RPH3A: variants seen among roughly 807,000 people sequenced by gnomAD.
RPH3A encodes rabphilin 3A, also known as rabphilin-3A.
A neutral mutation model predicts 102.2 loss-of-function variants in RPH3A; 48 were observed. The observed-to-expected ratio is 0.47, with a 90% CI of 0.37 to 0.60. The LOEUF (loss-of-function observed/expected upper bound fraction) is 0.60. RPH3A is among the 20% of genes least tolerant of loss of function. RPH3A has a pLI of 0.00. For missense variants in RPH3A, 781 were observed against 910.1 expected, an observed-to-expected ratio of 0.86 and a Z score of 1.83; for synonymous variants, 310 against 324.3, an observed-to-expected ratio of 0.96 and a Z score of 0.47.
At chr12:112,692,281 T>C (rs1345795687) in intron 1 of RPH3A, among the ~76,000 whole-genome samples, 1 of 152,212 alleles carries the variant, frequency 6.6e-6, no homozygotes, top group Non-Finnish European at 1.5e-5. Flanking sequence ...TGACTATAGT[T>C]AATAATGATA....
rs11375355 is a variant in RPH3A, at chr12:112,774,063, C to CAAAAAAAAAAAAAAAAAAAAAAAAA, written c.-139-18066_-139-18065insAAAAAAAAAAAAAAAAAAAAAAAAA. 1.0e-3 allele frequency among the ~76,000 whole-genome samples: 109 copies of CAAAAAAAAAAAAAAAAAAAAAAAAA among 108,352 alleles called. 5 individuals are homozygous for CAAAAAAAAAAAAAAAAAAAAAAAAA. The highest frequency in any genetic ancestry group is 1.9e-3 in the South Asian group (6 of 3,240). The allele number at this position is 108,352 out of a possible 152,430, so 71.1% of individuals were successfully genotyped here. A position where few individuals can be genotyped will look rare whatever the true frequency, so the allele number is the denominator to read the frequency against. On this transcript the variant is annotated intron_variant, in intron 1 of 21. Transcript: ENST00000543106. ...TCACGCCACTGCACTCCAGCCTGGG[C>CAAAAAAAAAAAAAAAAAAAAAAAAA]AAAAAAAAAAAAAAGAAAAAGAGAA... is the stretch of plus-strand genomic sequence containing the variant.
intron 2 of RPH3A, among the ~76,000 whole-genome samples, chr12:112,793,104 C>A (rs964569910): frequency 6.6e-6 from 1 of 152,140 alleles, no homozygotes; most frequent in Non-Finnish European, 1.5e-5. Flanking sequence ...AGACCGTCCC[C>A]CTGCACTAGT....
rs757706893 is a variant in RPH3A at position 112,876,736 on chromosome 12, C to T, written c.1041C>T (p.Asp347=). The T allele has an allele frequency of 6.2e-7, 1 of 1,613,390 alleles. No individual in the cohort carries two copies. Among genetic ancestry groups the T allele is most frequent in the South Asian group, 1.1e-5 (1 of 90,898 alleles). ...GGYPAVGARE[D]RMSHPSGPYS... The stretch of plus-strand genomic sequence containing the variant: ...ACCCAGCAGTTGGAGCCAGAGAGGA[C>T]CGAATGAGCCACCCCTCCGGACCCT... Residue 347 remains aspartate, a synonymous_variant, in exon 13 of 22, where the codon GAC becomes GAT. Transcript: ENST00000389385.
chr12:112,620,965 G>C (rs2039717482), intron 1 of RPH3A, among the ~76,000 whole-genome samples: 1 of 151,390 alleles, frequency 6.6e-6, no homozygotes, highest in Admixed American at 6.6e-5. Context: ...TCCTCAGCCT[G>C]TTCTGTTTTA....
intron 14 of RPH3A, among the ~76,000 whole-genome samples, chr12:112,879,454 GTT>G (rs2042867763): frequency 6.6e-6 from 1 of 152,220 alleles, no homozygotes. Context: ...CAAGAGCAGA[GTT>G]GGCCCCTATC....
intron 1 of RPH3A, among the ~76,000 whole-genome samples, chr12:112,768,884 C>G (rs2040909786): frequency 6.6e-6 from 1 of 152,126 alleles, no homozygotes; most frequent in Admixed American, 6.5e-5. Flanking sequence ...TGCACTCCAG[C>G]CTGGGTAACA....
chr12:112,743,193 C>T (rs1657090491), intron 1 of RPH3A, among the ~76,000 whole-genome samples: 1 of 152,190 alleles, frequency 6.6e-6, no homozygotes, highest in Admixed American at 6.5e-5. Flanking sequence ...GTAACATAGT[C>T]ACAGGTTCTG....
intron 1 of RPH3A, among the ~76,000 whole-genome samples, chr12:112,642,689 T>G (rs918514938): frequency 6.6e-6 from 1 of 152,146 alleles, no homozygotes; most frequent in Non-Finnish European, 1.5e-5. Flanking sequence ...CCACAATTTG[T>G]CTGTAAATGT....
intron 1 of RPH3A, among the ~76,000 whole-genome samples, chr12:112,762,787 A>G (rs894489243): frequency 6.6e-6 from 1 of 152,210 alleles, no homozygotes; most frequent in East Asian, 1.9e-4. Context: ...TTGTAGCAAC[A>G]CCAGGAGAAA....
chr12:112,652,247 G>A (rs1027973159), intron 1 of RPH3A, among the ~76,000 whole-genome samples: 2 of 152,088 alleles, frequency 1.3e-5, no homozygotes, highest in African/African-American at 2.4e-5. Context: ...AGGCTGAGGT[G>A]GGAGGATCAC....
At chr12:112,825,149 A>G (rs1481197143) in intron 2 of RPH3A, among the ~76,000 whole-genome samples, 1 of 151,818 alleles carries the variant, frequency 6.6e-6, no homozygotes, top group Non-Finnish European at 1.5e-5. Context: ...CAATAATGAG[A>G]CATTAAAGTT....
intron 1 of RPH3A, among the ~76,000 whole-genome samples, chr12:112,774,566 G>T (rs2107109): frequency 1.3e-5 from 2 of 151,910 alleles, no homozygotes; most frequent in South Asian, 2.1e-4. Context: ...GAAAGGTTTG[G>T]GTTGGTGAGA....
At chr12:112,634,211 A>T (rs61942286) in intron 1 of RPH3A, among the ~76,000 whole-genome samples, 1 of 89,670 alleles carries the variant, frequency 1.1e-5, no homozygotes, top group Non-Finnish European at 2.2e-5. Flanking sequence ...AGCCGGGCGT[A>T]GTGGCGGGCG....
intron 1 of RPH3A, among the ~76,000 whole-genome samples, chr12:112,767,788 G>C (rs1446427206): frequency 3.3e-5 from 5 of 152,130 alleles, no homozygotes; most frequent in Non-Finnish European, 7.3e-5. Flanking sequence ...GCCATCAAAA[G>C]AACTGAAGCA....
At chr12:112,885,186 T>C (rs1210584063) in intron 16 of RPH3A, among the ~76,000 whole-genome samples, 1 of 152,262 alleles carries the variant, frequency 6.6e-6, no homozygotes, top group Non-Finnish European at 1.5e-5. Context: ...AGTAGCTGTT[T>C]CTAGGTGCAC....
At chr12:112,652,190 T>A (rs1482967191) in intron 1 of RPH3A, among the ~76,000 whole-genome samples, 3 of 152,052 alleles carry the variant, frequency 2.0e-5, no homozygotes, top group Non-Finnish European at 2.9e-5. Flanking sequence ...TAAAAAAATC[T>A]AGAGCCAGGG....
At chr12:112,896,334 T>C (rs571489657) in intron 21 of RPH3A, among the ~76,000 whole-genome samples, 1 of 152,096 alleles carries the variant, frequency 6.6e-6, no homozygotes, top group Non-Finnish European at 1.5e-5. Context: ...TTTTTGGAAA[T>C]AGACAATGAG....
intron 1 of RPH3A, among the ~76,000 whole-genome samples, chr12:112,652,899 A>G (rs1365443124): frequency 6.6e-6 from 1 of 152,134 alleles, no homozygotes; most frequent in Non-Finnish European, 1.5e-5. Context: ...TTTGACTGTC[A>G]TAGAGTATAC....
chr12:112,774,585 C>A (rs1008033184), intron 1 of RPH3A, among the ~76,000 whole-genome samples: 19 of 152,154 alleles, frequency 1.2e-4, no homozygotes, highest in African/African-American at 4.6e-4. Flanking sequence ...GAATGAAAAT[C>A]CTTTGTTGGC....
Sources: gnomAD v4.1 joint callset for allele counts (sites outside exome capture counted in the v4.1 genomes callset) on GRCh38, gnomAD v4.1.1 for gene constraint, MANE v1.5 for transcripts, NCBI Gene and HGNC (gene_info 2026-07-23, HGNC 2026-07-21) for gene names.